MARCHF1: variants seen among roughly 807,000 people sequenced by gnomAD.
MARCHF1 encodes the protein E3 ubiquitin-protein ligase MARCHF1.
In MARCHF1, 40 loss-of-function variants were observed where a neutral mutation model predicts 54.2. The ratio of observed to expected loss-of-function variants is 0.74; its 90% confidence interval spans 0.57 to 0.96. The LOEUF (loss-of-function observed/expected upper bound fraction) is 0.96, where lower values mean the gene tolerates loss of function less well. Among genes scored for constraint, MARCHF1 ranks in the 40% least tolerant of loss-of-function variants. The pLI, the probability that MARCHF1 is intolerant of heterozygous loss-of-function variation, is 0.00. For missense variants in MARCHF1, 586 were observed against 656.5 expected, an observed-to-expected ratio of 0.89 and a Z score of 1.17; for synonymous variants, 236 against 236.3, an observed-to-expected ratio of 1.00 and a Z score of 0.01.
At position 163,714,895 on chromosome 4, in the gene MARCHF1, T is replaced by C. The variant is rs189961740; in HGVS notation, c.112-14032A>G. Among the ~76,000 whole-genome samples, 559 of 152,284 alleles carry C rather than the reference T, an allele frequency of 3.7e-3. 15 individuals are homozygous for C. Among genetic ancestry groups the C allele is most frequent in the Non-Finnish European group, 7.2e-4 (49 of 68,012 alleles). ...CAAGGTTTTGCTGTGTTGCCCAGGC[T>C]GGTCTTGAACTCCTGGCCTCAAGTA... On this transcript the variant is annotated intron_variant, in intron 4 of 9. Coordinates refer to ENST00000514618, the MANE Select transcript of MARCHF1 (RefSeq NM_001394959.1).
chr4:164,146,409 C>T (rs1302962076), intron 1 of MARCHF1, among the ~76,000 whole-genome samples: 1 of 152,022 alleles, frequency 6.6e-6, no homozygotes, highest in African/African-American at 2.4e-5. Flanking sequence ...ATCACACTAC[C>T]TGACTTCAAA....
intron 5 of MARCHF1, among the ~76,000 whole-genome samples, chr4:163,648,245 C>T (rs529294439): frequency 1.3e-5 from 2 of 151,696 alleles, no homozygotes; most frequent in African/African-American, 4.8e-5. Flanking sequence ...AATTATTTTT[C>T]TTCTTAAAAG....
At chr4:164,377,021 C>CA (rs1397335984) in intron 1 of MARCHF1, among the ~76,000 whole-genome samples, 4 of 152,186 alleles carry the variant, frequency 2.6e-5, no homozygotes, top group African/African-American at 9.7e-5. Context: ...TGATGTGCCT[C>CA]AGGACACTGA....
At chr4:164,133,291 A>T (rs1756338433) in intron 1 of MARCHF1, among the ~76,000 whole-genome samples, 1 of 152,170 alleles carries the variant, frequency 6.6e-6, no homozygotes, top group Non-Finnish European at 1.5e-5. Context: ...TGAGTGGAAA[A>T]GTCTGCCTAG....
chr4:164,058,071 A>C (rs944400750), intron 2 of MARCHF1, among the ~76,000 whole-genome samples: 1 of 152,118 alleles, frequency 6.6e-6, no homozygotes, highest in Admixed American at 6.6e-5. Flanking sequence ...GAGTTGAACA[A>C]TGAAAACACA....
chr4:164,095,355 T>C (rs1249445348), intron 2 of MARCHF1, among the ~76,000 whole-genome samples: 2 of 151,928 alleles, frequency 1.3e-5, no homozygotes, highest in Non-Finnish European at 2.9e-5. Flanking sequence ...TGAGGTAATA[T>C]AGGTGAAAAC....
At chr4:164,358,296 A>G (rs1282699833) in intron 1 of MARCHF1, among the ~76,000 whole-genome samples, 1 of 152,152 alleles carries the variant, frequency 6.6e-6, no homozygotes, top group Non-Finnish European at 1.5e-5. Flanking sequence ...CATAAAGGGG[A>G]AGCCTTGAAC....
At chr4:164,102,518 T>A (rs1395891462) in intron 2 of MARCHF1, among the ~76,000 whole-genome samples, 1 of 149,202 alleles carries the variant, frequency 6.7e-6, no homozygotes, top group African/African-American at 2.5e-5. Context: ...CAAACTAAGC[T>A]TCATAAGTGA....
chr4:164,093,271 T>A (rs917557081), intron 2 of MARCHF1, among the ~76,000 whole-genome samples: 2 of 152,124 alleles, frequency 1.3e-5, no homozygotes, highest in African/African-American at 2.4e-5. Flanking sequence ...GGAATTACCA[T>A]CCCTTGAAAT....
At chr4:163,875,298 G>A (rs1376871219) in intron 3 of MARCHF1, among the ~76,000 whole-genome samples, 1 of 152,076 alleles carries the variant, frequency 6.6e-6, no homozygotes, top group Non-Finnish European at 1.5e-5. Flanking sequence ...TCCCTGGGAG[G>A]TCCGTGATTT....
intron 3 of MARCHF1, among the ~76,000 whole-genome samples, chr4:163,969,556 A>G (rs1317596330): frequency 2.0e-5 from 3 of 152,162 alleles, no homozygotes; most frequent in Non-Finnish European, 4.4e-5. Context: ...AGTAAAAATG[A>G]TTTTTCTCAG....
At chr4:164,075,191 T>C (rs1560892106) in intron 2 of MARCHF1, among the ~76,000 whole-genome samples, 1 of 152,308 alleles carries the variant, frequency 6.6e-6, no homozygotes, top group South Asian at 2.1e-4. Flanking sequence ...TTTAATAGCA[T>C]CACAGAACTG....
Position 163,841,014 on chromosome 4 carries a change from C to A in MARCHF1, c.111+13007G>T, listed in dbSNP as rs183633780. On this transcript the variant is annotated intron_variant, in intron 4 of 9. Coordinates refer to ENST00000514618, the MANE Select transcript of MARCHF1 (RefSeq NM_001394959.1). ...CTGTACTGCATTTACCTTTGTATAG[C>A]AAACTCAACATATTATAGTAATTCA... 1.1e-3 allele frequency among the ~76,000 whole-genome samples: 165 copies of A among 152,044 alleles called. 1 individual carries two copies. The highest frequency in any genetic ancestry group is 3.4e-3 in the Middle Eastern group (1 of 292).
intron 1 of MARCHF1, chr4:164,188,277 G>T (rs904401053): frequency 6.6e-6 from 2 of 300,950 alleles, no homozygotes; most frequent in South Asian, 3.8e-5. Context: ...ACCGACTGGG[G>T]TGTTTCGCAA....
chr4:164,131,208 A>C (rs980605537), intron 1 of MARCHF1, among the ~76,000 whole-genome samples: 1 of 152,170 alleles, frequency 6.6e-6, no homozygotes, highest in African/African-American at 2.4e-5. Flanking sequence ...GATGAACTCA[A>C]CTGGGAGACA....
chr4:163,933,107 T>C (rs1472802738), intron 3 of MARCHF1: 16 of 1,229,344 alleles, frequency 1.3e-5, no homozygotes, highest in African/African-American at 1.5e-5. Flanking sequence ...CGGCTTTTGA[T>C]GAGGCCATTG....
chr4:164,156,808 A>C (rs866525372), intron 1 of MARCHF1, among the ~76,000 whole-genome samples: 19 of 152,266 alleles, frequency 1.2e-4, no homozygotes, highest in African/African-American at 4.6e-4. Flanking sequence ...GACTATGCCC[A>C]TGTATCTGTT....
intron 4 of MARCHF1, among the ~76,000 whole-genome samples, chr4:163,820,244 A>G (rs1257425431): frequency 6.6e-6 from 1 of 152,020 alleles, no homozygotes; most frequent in African/African-American, 2.4e-5. Context: ...CTGACCTCTC[A>G]TCAGCACTCT....
intron 3 of MARCHF1, among the ~76,000 whole-genome samples, chr4:163,980,911 T>A (rs1752749554): frequency 6.6e-6 from 1 of 152,200 alleles, no homozygotes; most frequent in Admixed American, 6.5e-5. Context: ...TCTGTACATG[T>A]TAAACATAAC....
Sources: allele counts gnomAD v4.1 joint callset (sites outside exome capture counted in the v4.1 genomes callset), GRCh38; gene constraint gnomAD v4.1.1; transcripts MANE v1.5; gene names NCBI Gene and HGNC (gene_info 2026-07-23, HGNC 2026-07-21).